Variants in RERE observed in about 807,000 individuals in gnomAD.
The protein encoded by RERE is arginine-glutamic acid dipeptide repeats.
A neutral mutation model predicts 146.1 loss-of-function variants in RERE; 40 were observed. That is an observed-to-expected ratio of 0.27 (90% confidence interval 0.21 to 0.36). RERE has a LOEUF of 0.36. Among genes scored for constraint, RERE ranks in the 10% least tolerant of loss-of-function variants. The pLI is 1.00. For missense variants in RERE, 1,933 were observed against 2,138.7 expected (o/e 0.90, Z 1.90); for synonymous variants, 1,003 against 866.0 (o/e 1.16, Z -2.78).
chr1:8,500,821 C>T (rs1301554257), intron 8 of RERE, among the ~76,000 whole-genome samples: 1 of 151,846 alleles, frequency 6.6e-6, no homozygotes, highest in Non-Finnish European at 1.5e-5. Flanking sequence ...TCTGCCCCGC[C>T]GCCCTGTCTG....
rs535882108 is a variant in RERE, at chr1:8,382,479, G to A, written c.1285-16505C>T. Among the ~76,000 whole-genome samples, 21 of 152,370 alleles carry A rather than the reference G, an allele frequency of 1.4e-4. No individual in the cohort carries two copies. The South Asian group carries it at 2.1e-3, about 15-fold the overall frequency. The stretch of plus-strand genomic sequence containing the variant: ...GTGCATGAGAGAGCGCGCATGCTGG[G>A]GAAGAATGGAGAAAAACAATGAACA... On this transcript the variant is annotated intron_variant, in intron 12 of 22. Transcript: ENST00000400908.
intron 11 of RERE, among the ~76,000 whole-genome samples, chr1:8,433,228 TC>T (rs1644118751): frequency 6.6e-6 from 1 of 152,194 alleles, no homozygotes; most frequent in African/African-American, 2.4e-5. Context: ...AGCCTCAATT[TC>T]TATGTCCCTG....
chr1:8,616,222 C>T (rs1646851273), intron 3 of RERE, among the ~76,000 whole-genome samples: 1 of 152,154 alleles, frequency 6.6e-6, no homozygotes, highest in Admixed American at 6.5e-5. Context: ...AAAGCATTTC[C>T]AGACACTTTG....
rs181036782 is a variant in RERE, at chr1:8,359,690, C to T, written c.3618+74G>A. 1.4e-4 allele frequency: 215 copies of T among 1,512,348 alleles called. 1 individual carries two copies. The highest frequency in any genetic ancestry group is 4.8e-4 in the Admixed American group (28 of 58,516). The allele number at this position is 1,512,348 out of a possible 1,614,324, so 93.7% of individuals were successfully genotyped here. ...GAGTCAGGCAGCCAAGGGCAGAGCT[C>T]GGTGGCCCAGCGTGGCTCCCAGGCG... is the stretch of plus-strand genomic sequence containing the variant. On this transcript the variant is annotated intron_variant, in intron 19 of 22. Coordinates refer to ENST00000400908, the MANE Select transcript of RERE (RefSeq NM_001042681.2).
At chr1:8,698,152 T>A (rs965542512) in intron 1 of RERE, among the ~76,000 whole-genome samples, 25 of 152,220 alleles carry the variant, frequency 1.6e-4, no homozygotes, top group African/African-American at 6.0e-4. Flanking sequence ...CTTTGAGTGA[T>A]ACAGATCGGC....
At chr1:8,389,432 G>A (rs993520727) in intron 12 of RERE, among the ~76,000 whole-genome samples, 6 of 152,292 alleles carry the variant, frequency 3.9e-5, no homozygotes, top group Admixed American at 2.6e-4. Context: ...GTGCCACCCC[G>A]TCCATTTACT....
intron 7 of RERE, among the ~76,000 whole-genome samples, chr1:8,538,922 A>G (rs1645761806): frequency 6.6e-6 from 1 of 152,256 alleles, no homozygotes; most frequent in Non-Finnish European, 1.5e-5. Flanking sequence ...GACTGTCAGC[A>G]GCACACAATG....
chr1:8,562,053 G>A (rs1435328950), intron 4 of RERE, among the ~76,000 whole-genome samples: 1 of 152,114 alleles, frequency 6.6e-6, no homozygotes, highest in Admixed American at 6.5e-5. Context: ...ACCTTATTTG[G>A]TTGTGAGGAT....
At chr1:8,743,125 G>A (rs1363783266) in intron 1 of RERE, among the ~76,000 whole-genome samples, 1 of 151,938 alleles carries the variant, frequency 6.6e-6, no homozygotes, top group Non-Finnish European at 1.5e-5. Context: ...GCTGGGCACA[G>A]TGGCTCACAC....
intron 4 of RERE, among the ~76,000 whole-genome samples, chr1:8,603,866 A>T (rs1015559204): frequency 3.4e-5 from 5 of 148,874 alleles, no homozygotes; most frequent in Non-Finnish European, 5.9e-5. Flanking sequence ...GTTGAGACAG[A>T]GAGGCCGAGG....
intron 3 of RERE, among the ~76,000 whole-genome samples, chr1:8,615,286 T>TC (rs1195815099): frequency 6.6e-6 from 1 of 152,180 alleles, no homozygotes; most frequent in African/African-American, 2.4e-5. Context: ...TATAATTTTC[T>TC]CCAAACGCCC....
chr1:8,381,721 G>C (rs958410785), intron 12 of RERE, among the ~76,000 whole-genome samples: 5 of 152,218 alleles, frequency 3.3e-5, no homozygotes, highest in Non-Finnish European at 7.3e-5. Flanking sequence ...CAGCCCCGGG[G>C]ACGCGCCAGT....
At chr1:8,624,581 A>C (rs2124227748) in intron 2 of RERE, among the ~76,000 whole-genome samples, 1 of 152,336 alleles carries the variant, frequency 6.6e-6, no homozygotes, top group Middle Eastern at 3.4e-3. Context: ...TTATTTTTCT[A>C]ATAATTTAAA....
intron 4 of RERE, among the ~76,000 whole-genome samples, chr1:8,602,406 A>G (rs1646644528): frequency 6.6e-6 from 1 of 151,708 alleles, no homozygotes; most frequent in Admixed American, 6.6e-5. Context: ...AAAAAAAAGG[A>G]AAAGAAAACA....
chr1:8,577,820 T>A (rs1570462746), intron 4 of RERE, among the ~76,000 whole-genome samples: 1 of 152,078 alleles, frequency 6.6e-6, no homozygotes, highest in East Asian at 1.9e-4. Context: ...AGGAGCCGGG[T>A]GCAGTGGCTC....
chr1:8,466,477 T>G (rs1312113972), intron 10 of RERE, among the ~76,000 whole-genome samples: 1 of 152,106 alleles, frequency 6.6e-6, no homozygotes, highest in Non-Finnish European at 1.5e-5. Context: ...TTCACCACAC[T>G]GAGCCAGCAG....
chr1:8,418,435 G>GTAGAATA (rs1444280329), intron 12 of RERE, among the ~76,000 whole-genome samples: 1 of 152,184 alleles, frequency 6.6e-6, no homozygotes, highest in Non-Finnish European at 1.5e-5. Context: ...CCAAGCTGGG[G>GTAGAATA]TAGATCACAT....
At chr1:8,655,133 T>C (rs553533313) in intron 2 of RERE, among the ~76,000 whole-genome samples, 5 of 152,152 alleles carry the variant, frequency 3.3e-5, no homozygotes, top group Admixed American at 1.3e-4. Context: ...ACTTCTATTA[T>C]TGTTGATTAG....
At chr1:8,500,517 T>C (rs900781353) in intron 8 of RERE, among the ~76,000 whole-genome samples, 4 of 152,224 alleles carry the variant, frequency 2.6e-5, no homozygotes, top group African/African-American at 7.2e-5. Context: ...CAGTGCTCAA[T>C]GGTGCCCAGG....
Sources: gnomAD v4.1 joint callset for allele counts (sites outside exome capture counted in the v4.1 genomes callset) on GRCh38, gnomAD v4.1.1 for gene constraint, MANE v1.5 for transcripts, NCBI Gene and HGNC (gene_info 2026-07-23, HGNC 2026-07-21) for gene names.